TMOD2: variants seen among roughly 807,000 people sequenced by gnomAD.
The protein encoded by TMOD2 is tropomodulin-2.
Under a neutral mutation model 39.9 loss-of-function variants are expected in TMOD2, and 22 were observed. The ratio of observed to expected loss-of-function variants is 0.55; its 90% CI spans 0.39 to 0.79. The LOEUF (loss-of-function observed/expected upper bound fraction) is 0.79, where lower values mean the gene tolerates loss of function less well. Among genes scored for constraint, TMOD2 ranks in the 30% least tolerant of loss-of-function variants. The pLI is 0.00. For synonymous variants in TMOD2, 123 were observed against 146.1 expected (o/e 0.84, Z 1.14); for missense variants, 386 against 413.3 (o/e 0.93, Z 0.57).
intron 3 of TMOD2, 73 bp from the exon 4 acceptor site, chr15:51,773,639 T>A (rs1310873871): frequency 2.7e-6 from 4 of 1,469,384 alleles, no homozygotes; most frequent in Admixed American, 2.3e-5. Flanking sequence ...AGAACTGCAT[T>A]CTCTGCTCAG....
At chr15:51,767,218 G>GTTTC (rs1012545875) in intron 2 of TMOD2, 10 of 152,228 alleles carry the variant, frequency 6.6e-5, no homozygotes, top group African/African-American at 2.4e-4. Flanking sequence ...TAGAGACGGG[G>GTTTC]TTTCGCCAGG....
chr15:51,814,882 C>T lies in TMOD2; in HGVS notation c.*6428C>T, dbSNP rs568418992. 1 of 152,386 alleles carries T rather than the reference C, an allele frequency of 6.6e-6. No homozygotes were observed. Among genetic ancestry groups the T allele is most frequent in the East Asian group, 1.9e-4 (1 of 5,194 alleles). 9.4% of individuals were successfully genotyped at this position (152,386 alleles called of 1,614,324 possible). A position where few individuals can be genotyped will look rare whatever the true frequency, so the allele number is the denominator to read the frequency against. On this transcript the variant is annotated 3_prime_UTR_variant, in exon 10 of 10. Transcript: ENST00000249700. ...AGAGGAGGTCTGACTATTGCACAGC[C>T]AGTTTTTTCTTCCTCTTCAGCAGTT...
rs1268668174 is a variant in TMOD2 at position 51,812,342 on chromosome 15, G to T, written c.*3888G>T. 6.6e-6 allele frequency: 1 copy of T among 152,192 alleles called. No homozygotes were observed. The highest frequency in any genetic ancestry group is 1.5e-5 in the Non-Finnish European group (1 of 68,040). The allele number at this position is 152,192 out of a possible 1,614,324, so 9.4% of individuals were successfully genotyped here. A position where few individuals can be genotyped will look rare whatever the true frequency, so the allele number is the denominator to read the frequency against. ...GCCCCTGACAGGGCACCAGCATTAG[G>T]GAAACCAATGTCCTCCGAATAGCTG... is the stretch of plus-strand genomic sequence containing the variant. On this transcript the variant is annotated 3_prime_UTR_variant, in exon 10 of 10. Coordinates refer to ENST00000249700, the MANE Select transcript of TMOD2 (RefSeq NM_014548.4).
intron 3 of TMOD2, among the ~76,000 whole-genome samples, chr15:51,770,739 G>C (rs1200915514): frequency 6.6e-6 from 1 of 151,998 alleles, no homozygotes; most frequent in African/African-American, 2.4e-5. Context: ...CAGGAGTTCA[G>C]GATTGCCATG....
chr15:51,792,112 A>G (rs2056016531), intron 7 of TMOD2, among the ~76,000 whole-genome samples: 1 of 152,254 alleles, frequency 6.6e-6, no homozygotes, highest in African/African-American at 2.4e-5. Flanking sequence ...CAATCTATCC[A>G]TCTGACAAAG....
At chr15:51,753,916 A>G (rs544714988) in intron 1 of TMOD2, among the ~76,000 whole-genome samples, 2 of 152,346 alleles carry the variant, frequency 1.3e-5, no homozygotes, top group Non-Finnish European at 2.9e-5. Context: ...GGGGAAGTCA[A>G]TAAAATAAAT....
rs995347083 is a variant in TMOD2 at position 51,810,280 on chromosome 15, G to A, written c.*1826G>A. Reference sequence around the variant, plus strand: ...ATACAGCCATTATTTAAAATTAAATGATGTGCACTTACAACTGAATGAATT... The same window carrying A: ...ATACAGCCATTATTTAAAATTAAATAATGTGCACTTACAACTGAATGAATT... On this transcript the variant is annotated 3_prime_UTR_variant, in exon 10 of 10. Coordinates refer to ENST00000249700, the MANE Select transcript of TMOD2 (RefSeq NM_014548.4). The A allele has an allele frequency of 6.6e-6, 1 of 152,118 alleles. No homozygotes were observed. Among genetic ancestry groups the A allele is most frequent in the Non-Finnish European group, 1.5e-5 (1 of 68,026 alleles). 9.4% of individuals were successfully genotyped at this position (152,118 alleles called of 1,614,324 possible).
intron 1 of TMOD2, among the ~76,000 whole-genome samples, chr15:51,765,568 T>C (rs2055810882): frequency 6.6e-6 from 1 of 152,212 alleles, no homozygotes; most frequent in South Asian, 2.1e-4. Flanking sequence ...TGAATGAGTA[T>C]TATCTTTCTA....
In TMOD2 at chr15:51,812,536, CAG is replaced by C. The variant is rs1390499882; in HGVS notation, c.*4085_*4086del. 6.6e-6 allele frequency: 1 copy of C among 152,148 alleles called. No homozygotes were observed. Among genetic ancestry groups the C allele is most frequent in the African/African-American group, 2.4e-5 (1 of 41,438 alleles). The allele number at this position is 152,148 out of a possible 1,614,324, so 9.4% of individuals were successfully genotyped here. Reference sequence around the variant, plus strand: ...CCCCTCCTAGGCACTACGAAGAAGACAGAGGAAGCATAAAAATTCTGGACTAA... The same window carrying C: ...CCCCTCCTAGGCACTACGAAGAAGACAGGAAGCATAAAAATTCTGGACTAA... On this transcript the variant is annotated 3_prime_UTR_variant, in exon 10 of 10. Coordinates refer to ENST00000249700, the MANE Select transcript of TMOD2 (RefSeq NM_014548.4).
chr15:51,773,874 T>A lies in TMOD2; in HGVS notation c.406+40T>A, dbSNP rs769917056. 1.9e-6 allele frequency: 3 copies of A among 1,577,898 alleles called. No homozygotes were observed. In the East Asian group the frequency reaches 6.7e-5, roughly 35 times the overall value. ...CTGGGAACTTTCCTGTCTGGCTCTA[T>A]GACCTCCGAGCATGCACTGGCACCC... On this transcript the variant is annotated intron_variant, in intron 4 of 9. Coordinates refer to ENST00000249700, the MANE Select transcript of TMOD2 (RefSeq NM_014548.4).
At chr15:51,799,212 A>G (rs1364523519) in intron 8 of TMOD2, among the ~76,000 whole-genome samples, 1 of 152,178 alleles carries the variant, frequency 6.6e-6, no homozygotes, top group Admixed American at 6.5e-5. Flanking sequence ...CTTGGAAAGG[A>G]GAGACCAAGG....
At chr15:51,753,884 A>G (rs919593064) in intron 1 of TMOD2, among the ~76,000 whole-genome samples, 2 of 152,204 alleles carry the variant, frequency 1.3e-5, no homozygotes, top group South Asian at 2.1e-4. Flanking sequence ...TAACTTTTCT[A>G]TAGATTTGAA....
intron 3 of TMOD2, among the ~76,000 whole-genome samples, chr15:51,771,301 A>C (rs8024088): frequency 1.3e-5 from 2 of 152,012 alleles, no homozygotes; most frequent in Admixed American, 1.3e-4. Context: ...GCGGGAGGCT[A>C]CTATGAGGTC....
At chr15:51,808,158 C>G (rs2056132878) in intron 9 of TMOD2, among the ~76,000 whole-genome samples, 1 of 152,140 alleles carries the variant, frequency 6.6e-6, no homozygotes, top group African/African-American at 2.4e-5. Flanking sequence ...CGGGTCTCTT[C>G]TGGAATTTCT....
At chr15:51,785,970 A>G (rs2055967028) in intron 7 of TMOD2, among the ~76,000 whole-genome samples, 1 of 152,178 alleles carries the variant, frequency 6.6e-6, no homozygotes, top group Admixed American at 6.5e-5. Context: ...TAATTTAAAC[A>G]TTTTTAATTT....
At chr15:51,775,582 T>TTTC (rs2055882361) in intron 4 of TMOD2, among the ~76,000 whole-genome samples, 11 of 133,902 alleles carry the variant, frequency 8.2e-5, no homozygotes, top group Admixed American at 6.7e-4. Flanking sequence ...TTTTTTTTTT[T>TTTC]TTTTTTTTTT....
In TMOD2 at chr15:51,809,543, A is replaced by G. The variant is rs1057151118; in HGVS notation, c.*1089A>G. On this transcript the variant is annotated 3_prime_UTR_variant, in exon 10 of 10. Coordinates refer to ENST00000249700, the MANE Select transcript of TMOD2 (RefSeq NM_014548.4). ...CAAGGACAAAGCCTGTGAAAGTACAAGTGAGATGGTTGCATTGTAGTATGC... is the reference window on the plus strand; with the variant it reads ...CAAGGACAAAGCCTGTGAAAGTACAGGTGAGATGGTTGCATTGTAGTATGC... 5.3e-5 allele frequency: 8 copies of G among 152,248 alleles called. No individual in the cohort carries two copies. The highest frequency in any genetic ancestry group is 1.9e-4 in the African/African-American group (8 of 41,458). 9.4% of individuals were successfully genotyped at this position (152,248 alleles called of 1,614,324 possible).
rs2056146814 is a variant in TMOD2 at position 51,810,163 on chromosome 15, C to A, written c.*1709C>A. 1 of 152,086 alleles carries A rather than the reference C, an allele frequency of 6.6e-6. No individual in the cohort carries two copies. The highest frequency in any genetic ancestry group is 2.4e-5 in the African/African-American group (1 of 41,400). 9.4% of individuals were successfully genotyped at this position (152,086 alleles called of 1,614,324 possible). A position where few individuals can be genotyped will look rare whatever the true frequency, so the allele number is the denominator to read the frequency against. On this transcript the variant is annotated 3_prime_UTR_variant, in exon 10 of 10. Coordinates refer to ENST00000249700, the MANE Select transcript of TMOD2 (RefSeq NM_014548.4). ...TGGTTTTCAGTCTGATTTTTCCTTC[C>A]CTTTCACCCATTTAGGTGTGATGTG...
chr15:51,769,625 G>T (rs2055840085), intron 3 of TMOD2, among the ~76,000 whole-genome samples: 1 of 152,212 alleles, frequency 6.6e-6, no homozygotes, highest in Admixed American at 6.5e-5. Flanking sequence ...TTGGGAGGAA[G>T]AGTGACTATC....
Sources: gnomAD v4.1 joint callset for allele counts (sites outside exome capture counted in the v4.1 genomes callset) on GRCh38, gnomAD v4.1.1 for gene constraint, MANE v1.5 for transcripts, NCBI Gene and HGNC (gene_info 2026-07-23, HGNC 2026-07-21) for gene names.